The following SUGCT variants were observed in gnomAD, a reference collection of about 807,000 sequenced individuals.
SUGCT encodes succinyl-CoA:glutarate-CoA transferase.
In SUGCT, 41 loss-of-function variants were observed where a neutral mutation model predicts 55.0. The observed-to-expected ratio is 0.74, with a 90% confidence interval of 0.58 to 0.97. SUGCT has a LOEUF of 0.97. Ranked by LOEUF, SUGCT falls within the 50% of genes least tolerant of loss-of-function variation. The pLI, the probability that SUGCT is intolerant of heterozygous loss-of-function variation, is 0.00. For synonymous variants in SUGCT, 187 were observed against 200.4 expected (o/e 0.93, Z 0.56); for missense variants, 568 against 547.8 (o/e 1.04, Z -0.37).
At chr7:40,732,331 G>T (rs1245087624) in intron 12 of SUGCT, among the ~76,000 whole-genome samples, 1 of 151,966 alleles carries the variant, frequency 6.6e-6, no homozygotes, top group African/African-American at 2.4e-5. Flanking sequence ...TGGCATTTGG[G>T]GCTCACTCCC....
intron 7 of SUGCT, among the ~76,000 whole-genome samples, chr7:40,265,205 A>G (rs905039585): frequency 2.6e-5 from 4 of 152,332 alleles, no homozygotes; most frequent in African/African-American, 7.2e-5. Context: ...CAACATAGGG[A>G]CACATACATT....
At chr7:41,001,615 G>C in the SUGCT span, among the ~76,000 whole-genome samples, 64 of 152,298 alleles carry the variant, frequency 4.2e-4, no homozygotes, top group East Asian at 4.8e-3. Flanking sequence ...CAGTTCTGGT[G>C]AGGGCCCTGC....
At chr7:40,181,059 A>G in intron 2 of SUGCT, 61 bp downstream of exon 2, 1 of 1,201,404 alleles carries the variant, frequency 8.3e-7, no homozygotes, top group Non-Finnish European at 1.2e-6. Flanking sequence ...AAAAACTTTT[A>G]ATTTTTTGAA....
intron 11 of SUGCT, among the ~76,000 whole-genome samples, chr7:40,492,674 C>T (rs942117752): frequency 7.9e-5 from 12 of 152,224 alleles, no homozygotes; most frequent in African/African-American, 2.9e-4. Context: ...TTTCTCTCAT[C>T]TTTCATATGT....
intron 9 of SUGCT, among the ~76,000 whole-genome samples, chr7:40,417,559 G>A (rs529455356): frequency 6.6e-6 from 1 of 151,908 alleles, no homozygotes; most frequent in East Asian, 1.9e-4. Flanking sequence ...ATCAGTAGAT[G>A]TGATCCATAT....
Position 40,299,620 on chromosome 7 carries a change from C to A in SUGCT, c.721-17140C>A, listed in dbSNP as rs1019940218. Among the ~76,000 whole-genome samples, 6 of 149,282 alleles carry A rather than the reference C, an allele frequency of 4.0e-5. No homozygotes were observed. In the Admixed American group the frequency reaches 4.1e-4, roughly 10 times the overall value. Reference sequence around the variant, plus strand: ...GAAAACTGATTTTTTTATATAAAATCTCTTGGGTTTTAAAATACTATGTAG... The same window carrying A: ...GAAAACTGATTTTTTTATATAAAATATCTTGGGTTTTAAAATACTATGTAG... On this transcript the variant is annotated intron_variant, in intron 8 of 13. Transcript: ENST00000335693.
At chr7:40,892,374 GA>G in the SUGCT span, among the ~76,000 whole-genome samples, 3 of 151,974 alleles carry the variant, frequency 2.0e-5, no homozygotes, top group Non-Finnish European at 1.5e-5. Context: ...AAAAGATAAA[GA>G]GACAGAAATC....
At chr7:40,896,666 T>G in the SUGCT span, among the ~76,000 whole-genome samples, 1 of 152,204 alleles carries the variant, frequency 6.6e-6, no homozygotes, top group African/African-American at 2.4e-5. Context: ...GATTGTAAGT[T>G]TCCTGAGGCC....
intron 9 of SUGCT, among the ~76,000 whole-genome samples, chr7:40,418,097 A>G (rs1455714569): frequency 1.3e-5 from 2 of 152,138 alleles, no homozygotes; most frequent in Non-Finnish European, 2.9e-5. Flanking sequence ...TTTAAACAGG[A>G]TAAATTCTTT....
In SUGCT at chr7:40,813,657, G is replaced by A. The variant is rs927033880; in HGVS notation, c.1154-46659G>A. 3.0e-4 allele frequency among the ~76,000 whole-genome samples: 45 copies of A among 151,870 alleles called. 1 individual carries two copies. The highest frequency in any genetic ancestry group is 2.7e-3 in the Admixed American group (41 of 15,238). On this transcript the variant is annotated intron_variant, in intron 13 of 13. Coordinates refer to ENST00000335693, the MANE Select transcript of SUGCT (RefSeq NM_001193313.2). Reference sequence around the variant, plus strand: ...GTCTCTTGATGACAATAGATGGATGGGTATTATTTATCCAACTTGCCACTC... The same window carrying A: ...GTCTCTTGATGACAATAGATGGATGAGTATTATTTATCCAACTTGCCACTC...
chr7:40,544,997 A>T (rs947357852), intron 12 of SUGCT, among the ~76,000 whole-genome samples: 1 of 152,172 alleles, frequency 6.6e-6, no homozygotes, highest in African/African-American at 2.4e-5. Flanking sequence ...TCTCCCCCAC[A>T]CACTCCAATC....
intron 12 of SUGCT, among the ~76,000 whole-genome samples, chr7:40,726,486 G>GA (rs1182945631): frequency 2.6e-5 from 4 of 152,180 alleles, no homozygotes; most frequent in Middle Eastern, 6.8e-3. Context: ...AGAGGCGGGA[G>GA]AAAACCCATG....
intron 12 of SUGCT, among the ~76,000 whole-genome samples, chr7:40,591,535 G>A (rs1352020030): frequency 1.3e-5 from 2 of 152,168 alleles, no homozygotes; most frequent in Non-Finnish European, 2.9e-5. Flanking sequence ...AAATTTGAGG[G>A]AATTGATGCC....
intron 12 of SUGCT, among the ~76,000 whole-genome samples, chr7:40,543,649 A>C (rs1325362263): frequency 3.3e-5 from 5 of 152,228 alleles, no homozygotes; most frequent in Non-Finnish European, 1.5e-5. Context: ...CTAACTGTTA[A>C]AAGGATTTTT....
chr7:40,575,595 GAA>G (rs772789990), intron 12 of SUGCT, among the ~76,000 whole-genome samples: 3 of 143,730 alleles, frequency 2.1e-5, no homozygotes, highest in African/African-American at 7.6e-5. Flanking sequence ...ATTTAAATGG[GAA>G]AAAAAAAAAA....
intron 12 of SUGCT, among the ~76,000 whole-genome samples, chr7:40,747,827 A>G (rs1303381076): frequency 2.6e-5 from 4 of 152,096 alleles, no homozygotes; most frequent in African/African-American, 7.2e-5. Context: ...TTATTTGCGT[A>G]TCACAAAACA....
the SUGCT span, among the ~76,000 whole-genome samples, chr7:40,997,754 T>C: frequency 1.3e-5 from 2 of 152,210 alleles, no homozygotes; most frequent in Non-Finnish European, 2.9e-5. Context: ...ACAGTGGGAT[T>C]GCCCCTTCCT....
intron 6 of SUGCT, among the ~76,000 whole-genome samples, chr7:40,230,068 T>G (rs1788631702): frequency 6.6e-6 from 1 of 152,218 alleles, no homozygotes; most frequent in Non-Finnish European, 1.5e-5. Context: ...GGTATTACTT[T>G]TAAATATACA....
intron 7 of SUGCT, 105 bp downstream of exon 7, chr7:40,237,831 C>CA: frequency 1.2e-6 from 1 of 829,338 alleles, no homozygotes; most frequent in Non-Finnish European, 1.9e-6. Context: ...TAGGTTGGGG[C>CA]AAAAGTAATT....
Sources: gnomAD v4.1 joint callset for allele counts (sites outside exome capture counted in the v4.1 genomes callset) on GRCh38, gnomAD v4.1.1 for gene constraint, MANE v1.5 for transcripts, NCBI Gene and HGNC (gene_info 2026-07-23, HGNC 2026-07-21) for gene names.